The following CADM2 variants were observed in gnomAD, a reference collection of about 807,000 sequenced individuals.
The protein encoded by CADM2 is cell adhesion molecule 2, also known as immunoglobulin superfamily member 4D.
A neutral mutation model predicts 49.8 loss-of-function variants in CADM2; 12 were observed. The observed-to-expected ratio is 0.24, with a 90% CI of 0.15 to 0.39. CADM2 has a LOEUF of 0.39. Among genes scored for constraint, CADM2 ranks in the 10% least tolerant of loss-of-function variants. CADM2 has a pLI of 1.00. For missense variants in CADM2, 378 were observed against 492.3 expected (o/e 0.77, Z 2.20); for synonymous variants, 214 against 175.4 (o/e 1.22, Z -1.74).
intron 3 of CADM2, among the ~76,000 whole-genome samples, chr3:85,858,881 A>C (rs2075412632): frequency 6.6e-6 from 1 of 152,226 alleles, no homozygotes; most frequent in South Asian, 2.1e-4. Flanking sequence ...ATATATAGAA[A>C]AAAAGTAACA....
At chr3:85,174,360 T>A (rs1252449931) in intron 1 of CADM2, among the ~76,000 whole-genome samples, 1 of 152,138 alleles carries the variant, frequency 6.6e-6, no homozygotes, top group Non-Finnish European at 1.5e-5. Flanking sequence ...TTAATTTGCT[T>A]TTTAGCGAAA....
chr3:85,104,241 G>C (rs1415662025), intron 1 of CADM2, among the ~76,000 whole-genome samples: 3 of 151,184 alleles, frequency 2.0e-5, no homozygotes, highest in African/African-American at 4.9e-5. Flanking sequence ...GTAAGGAAGG[G>C]ATCCAGTTTC....
intron 8 of CADM2, among the ~76,000 whole-genome samples, chr3:85,964,116 T>C (rs763249677): frequency 6.6e-6 from 1 of 151,886 alleles, no homozygotes; most frequent in Admixed American, 6.6e-5. Context: ...TCTCTTCTTT[T>C]AATGGTTTGG....
In CADM2 at chr3:85,090,118, C is replaced by T. The variant is rs996406792; in HGVS notation, c.61+130450C>T. ...AGTACATTTATATACAAAAAAAAGG[C>T]GTATTTTGAACATATGAGTTTATAT... is the stretch of plus-strand genomic sequence containing the variant. On this transcript the variant is annotated intron_variant, in intron 1 of 9. Coordinates refer to ENST00000383699, the MANE Select transcript of CADM2 (RefSeq NM_001167675.2). Among the ~76,000 whole-genome samples, 8 of 151,902 alleles carry T rather than the reference C, an allele frequency of 5.3e-5. No homozygotes were observed. In the East Asian group the frequency reaches 9.7e-4, roughly 18 times the overall value.
At chr3:85,664,000 C>T (rs115365460) in intron 1 of CADM2, among the ~76,000 whole-genome samples, 146 of 152,076 alleles carry the variant, frequency 9.6e-4, no homozygotes, top group African/African-American at 3.4e-3. Context: ...TGGTTACTGA[C>T]TCCTGTGTTA....
rs952553401 is a variant in CADM2, at chr3:85,503,956, T to G, written c.62-222566T>G. The stretch of plus-strand genomic sequence containing the variant: ...GTAATTTTCGAAGTGCAGATTGTGA[T>G]CCATTAGTGAATTACCTTAACAGTT... On this transcript the variant is annotated intron_variant, in intron 1 of 9. Transcript: ENST00000383699. 3.3e-5 allele frequency among the ~76,000 whole-genome samples: 5 copies of G among 152,212 alleles called. No individual in the cohort carries two copies. The East Asian group carries it at 9.6e-4, about 29-fold the overall frequency.
At chr3:85,765,944 T>C (rs1190310110) in intron 2 of CADM2, among the ~76,000 whole-genome samples, 2 of 152,112 alleles carry the variant, frequency 1.3e-5, no homozygotes, top group East Asian at 1.9e-4. Flanking sequence ...GCAGCATGAA[T>C]GTTGAATAAA....
At chr3:85,159,061 G>A (rs142600605) in intron 1 of CADM2, among the ~76,000 whole-genome samples, 348 of 152,104 alleles carry the variant, frequency 2.3e-3, no homozygotes, top group Middle Eastern at 6.8e-3. Flanking sequence ...GCATATCTGT[G>A]TACATATGAC....
At chr3:85,486,125 T>C (rs1194953212) in intron 1 of CADM2, among the ~76,000 whole-genome samples, 2 of 152,120 alleles carry the variant, frequency 1.3e-5, no homozygotes, top group Non-Finnish European at 2.9e-5. Flanking sequence ...ATTTACAATC[T>C]TTTATATTGC....
At chr3:85,440,131 T>A (rs2037131519) in intron 1 of CADM2, among the ~76,000 whole-genome samples, 1 of 152,176 alleles carries the variant, frequency 6.6e-6, no homozygotes, top group Non-Finnish European at 1.5e-5. Context: ...TCTAAATTCA[T>A]GAGTGGCTAA....
chr3:85,325,837 A>G (rs2044737080), intron 1 of CADM2, among the ~76,000 whole-genome samples: 1 of 152,178 alleles, frequency 6.6e-6, no homozygotes. Flanking sequence ...ATTTAGTGCC[A>G]TCATGATCCA....
chr3:85,757,289 A>C (rs991285979), intron 2 of CADM2, among the ~76,000 whole-genome samples: 1 of 152,136 alleles, frequency 6.6e-6, no homozygotes, highest in African/African-American at 2.4e-5. Context: ...GCTTTAACTT[A>C]TTTAACATTC....
At chr3:85,348,583 A>G (rs998469907) in intron 1 of CADM2, among the ~76,000 whole-genome samples, 2 of 152,222 alleles carry the variant, frequency 1.3e-5, no homozygotes, top group African/African-American at 2.4e-5. Context: ...AAACAATGGC[A>G]TAACAAAATT....
intron 1 of CADM2, among the ~76,000 whole-genome samples, chr3:85,365,601 A>G (rs1559802283): frequency 6.6e-6 from 1 of 152,196 alleles, no homozygotes; most frequent in Non-Finnish European, 1.5e-5. Flanking sequence ...TATCATTAAA[A>G]TGACAAGCCT....
At chr3:85,134,306 C>T (rs1197124945) in intron 1 of CADM2, among the ~76,000 whole-genome samples, 4 of 152,212 alleles carry the variant, frequency 2.6e-5, no homozygotes, top group Non-Finnish European at 5.9e-5. Context: ...GAAAGGGGCT[C>T]CCACAGTGCA....
At chr3:85,760,403 TA>T (rs1443364369) in intron 2 of CADM2, among the ~76,000 whole-genome samples, 1 of 152,128 alleles carries the variant, frequency 6.6e-6, no homozygotes, top group African/African-American at 2.4e-5. Context: ...TATCCTTTTG[TA>T]CGTTGATGAC....
intron 1 of CADM2, among the ~76,000 whole-genome samples, chr3:85,712,492 A>G (rs1158659383): frequency 6.6e-6 from 1 of 152,200 alleles, no homozygotes; most frequent in Non-Finnish European, 1.5e-5. Context: ...ACTTCCAAAG[A>G]AATTTTCCAC....
intron 2 of CADM2, among the ~76,000 whole-genome samples, chr3:85,730,702 A>C (rs1192048526): frequency 2.0e-5 from 3 of 152,194 alleles, no homozygotes; most frequent in Admixed American, 6.5e-5. Context: ...TCTGTTATGC[A>C]TGTATAAAAA....
At chr3:85,140,961 C>T (rs1236493446) in intron 1 of CADM2, among the ~76,000 whole-genome samples, 2 of 152,150 alleles carry the variant, frequency 1.3e-5, no homozygotes, top group African/African-American at 4.8e-5. Flanking sequence ...TGAAACCAAC[C>T]TACACAAAAC....
Sources: gnomAD v4.1 joint callset for allele counts (sites outside exome capture counted in the v4.1 genomes callset) on GRCh38, gnomAD v4.1.1 for gene constraint, MANE v1.5 for transcripts, NCBI Gene and HGNC (gene_info 2026-07-23, HGNC 2026-07-21) for gene names.